Variants in ATG16L2 observed in about 807,000 individuals in gnomAD.
ATG16L2 encodes the protein protein Atg16l2.
A neutral mutation model predicts 84.7 loss-of-function variants in ATG16L2; 77 were observed. That is an observed-to-expected ratio of 0.91 (90% CI 0.76 to 1.10). ATG16L2 has a LOEUF of 1.10. Ranked by LOEUF, ATG16L2 falls within the 50% of genes least tolerant of loss-of-function variation. The pLI, the probability that ATG16L2 is intolerant of heterozygous loss-of-function variation, is 0.00. For synonymous variants in ATG16L2, 361 were observed against 342.8 expected (o/e 1.05, Z -0.59); for missense variants, 782 against 817.6 (o/e 0.96, Z 0.53).
chr11:72,843,561 T>C (rs1167037459), exon 6 of ATG16L2: 9 of 1,539,866 alleles, frequency 5.8e-6, no homozygotes, highest in Non-Finnish European at 7.2e-6. Context: ...ATGGACAAAA[T>C]TAAAAAGGTT....
intron 2 of ATG16L2, 110 bp from the exon 3 acceptor site, chr11:72,817,646 G>C: frequency 9.5e-7 from 1 of 1,053,738 alleles, no homozygotes; most frequent in Non-Finnish European, 1.4e-6. Context: ...CATCTTCCCA[G>C]GACGAAGTTA....
At chr11:72,839,352 G>A (rs1246630854) in intron 5 of ATG16L2, among the ~76,000 whole-genome samples, 2 of 152,204 alleles carry the variant, frequency 1.3e-5, no homozygotes, top group Non-Finnish European at 2.9e-5. Context: ...CAAAAGAGGA[G>A]TTTTTGGTGG....
At chr11:72,835,034 ATCTAGGTGG>A (rs1289851885) in intron 5 of ATG16L2, among the ~76,000 whole-genome samples, 1 of 152,150 alleles carries the variant, frequency 6.6e-6, no homozygotes, top group Non-Finnish European at 1.5e-5. Flanking sequence ...GAGGAAGGGG[ATCTAGGTGG>A]TGTACTGAGA....
At position 72,822,183 on chromosome 11, in the gene ATG16L2, G is replaced by A. The variant is rs1161301436; in HGVS notation, c.532G>A (p.Glu178Lys). The A allele has an allele frequency of 1.3e-6, 2 of 1,499,502 alleles. No homozygotes were observed. The highest frequency in any genetic ancestry group is 1.5e-5 in the African/African-American group (1 of 68,832). The allele number at this position is 1,499,502 out of a possible 1,614,324, so 92.9% of individuals were successfully genotyped here. A position where few individuals can be genotyped will look rare whatever the true frequency, so the allele number is the denominator to read the frequency against. The change falls in exon 5 of 18, where the codon GAG (glutamate) becomes AAG (lysine). Residue 178 changes from glutamate to lysine, a missense_variant. Glu to Lys is a moderately conservative substitution (Grantham distance 56). Coordinates refer to ENST00000321297, the MANE Select transcript of ATG16L2 (RefSeq NM_033388.2). The surrounding 1 kb of genome is among the most constrained non-coding windows in gnomAD (Gnocchi z 4.2). ...EALRAHVGLR[E>K]AALRRLQEEA... ...GCTGCGCGCGCACGTCGGGCTCCGG[G>A]AGGCGGCACTGCGCAGGCTCCAGGA...
At position 72,823,405 on chromosome 11, in the gene ATG16L2, G is replaced by A. The variant is rs182685271; in HGVS notation, c.824+444G>A. ...TGAATATATAAGCATGTGTAGATGT[G>A]TGCTCACACTTGTGGGACCTGATTG... is the stretch of plus-strand genomic sequence containing the variant. On this transcript the variant is annotated intron_variant, in intron 7 of 17. Coordinates refer to ENST00000321297, the MANE Select transcript of ATG16L2 (RefSeq NM_033388.2). 58 of 302,418 alleles carry A rather than the reference G, an allele frequency of 1.9e-4. No homozygotes were observed. In the East Asian group the frequency reaches 3.6e-3, roughly 19 times the overall value. 18.7% of individuals were successfully genotyped at this position (302,418 alleles called of 1,614,324 possible).
chr11:72,834,241 T>G (rs1860669194), downstream of ATG16L2, among the ~76,000 whole-genome samples: 1 of 152,324 alleles, frequency 6.6e-6, no homozygotes. Context: ...AATGCGAAGA[T>G]TCAGAGCAGC....
chr11:72,828,865 C>T lies in ATG16L2; in HGVS notation c.1671-18C>T, dbSNP rs1860516066. On this transcript the variant is annotated intron_variant, in intron 16 of 17. Transcript: ENST00000321297. The stretch of plus-strand genomic sequence containing the variant: ...CCCTCTGACCCCCCGTTTTCTTGCT[C>T]TGCTGTGGCCACTACAGCCCGGACA... 2 of 1,614,124 alleles carry T rather than the reference C, an allele frequency of 1.2e-6. No individual in the cohort carries two copies. Among genetic ancestry groups the T allele is most frequent in the African/African-American group, 1.3e-5 (1 of 75,060 alleles).
rs767468123 is a variant in ATG16L2 at position 72,822,371 on chromosome 11, G to A, written c.644+76G>A. 1.3e-6 allele frequency: 2 copies of A among 1,574,868 alleles called. No individual in the cohort carries two copies. The highest frequency in any genetic ancestry group is 2.3e-5 in the East Asian group (1 of 42,606). On this transcript the variant is annotated intron_variant, in intron 5 of 17. Transcript: ENST00000321297. The surrounding 1 kb of genome is among the most constrained non-coding windows in gnomAD (Gnocchi z 4.2). ...GAGGAGTCGGGCCTCGCCGGTGTCT[G>A]GAAGGGAGGGGGGCAGCAGCCGCCC...
At chr11:72,829,822 G>A (rs1359458440), downstream of ATG16L2, among the ~76,000 whole-genome samples, 3 of 152,182 alleles carry the variant, frequency 2.0e-5, no homozygotes, top group African/African-American at 4.8e-5. Flanking sequence ...AAGGCCCTGA[G>A]GCAGCAAAGA....
chr11:72,815,149 G>C (rs1859634978), intron 1 of ATG16L2, among the ~76,000 whole-genome samples: 1 of 152,236 alleles, frequency 6.6e-6, no homozygotes, highest in Admixed American at 6.5e-5. Flanking sequence ...GCTGAGCCCA[G>C]CGAAGTCGGA....
At position 72,822,939 on chromosome 11, in the gene ATG16L2, G is replaced by A; in HGVS notation, c.802G>A (p.Glu268Lys). 1 of 1,573,130 alleles carries A rather than the reference G, an allele frequency of 6.4e-7. No individual in the cohort carries two copies. The part of the protein sequence containing the change: ...EPEPLEKEAC[E>K]KWKRPFRSAS... ...AGAGCCCCTGGAGAAGGAAGCTTGT[G>A]AGAAGTGGAAGAGGCCCTTCAGGTG... The change falls in exon 7 of 18, where the codon GAG becomes AAG. Residue 268 changes from glutamate (E) to lysine (K), a missense_variant. By Grantham distance (56) the Glu-to-Lys change is moderately conservative. Coordinates refer to ENST00000321297, the MANE Select transcript of ATG16L2 (RefSeq NM_033388.2). This position sits in a 1 kb window ranked among gnomAD's most constrained non-coding sequence, Gnocchi z 4.2.
chr11:72,831,975 C>CG (rs1042691050), downstream of ATG16L2, among the ~76,000 whole-genome samples: 1 of 152,172 alleles, frequency 6.6e-6, no homozygotes, highest in African/African-American at 2.4e-5. Flanking sequence ...CCTGCTACCA[C>CG]GGGGGTAGAG....
At chr11:72,823,887 C>T (rs1860167008) in intron 7 of ATG16L2, 173 bp from the exon 8 acceptor site, 3 of 794,104 alleles carry the variant, frequency 3.8e-6, no homozygotes, top group Non-Finnish European at 6.8e-6. Flanking sequence ...CCCCGACCTT[C>T]CTGGGACTGA....
intron 7 of ATG16L2, chr11:72,823,722 C>T (rs1188068469): frequency 2.1e-6 from 1 of 484,040 alleles, no homozygotes; most frequent in African/African-American, 1.9e-5. Context: ...CCCCTCCTCC[C>T]ATCCCCAGCC....
At chr11:72,834,282 G>A (rs1036763640), downstream of ATG16L2, among the ~76,000 whole-genome samples, 1 of 152,164 alleles carries the variant, frequency 6.6e-6, no homozygotes, top group African/African-American at 2.4e-5. Flanking sequence ...CTGGGAGAGG[G>A]CTGGGCAGTC....
intron 3 of ATG16L2, among the ~76,000 whole-genome samples, chr11:72,819,879 G>A (rs1029543877): frequency 2.0e-5 from 3 of 151,986 alleles, no homozygotes; most frequent in Non-Finnish European, 1.5e-5. Flanking sequence ...CCGAGTAGCT[G>A]GGACTACAGG....
At position 72,822,560 on chromosome 11, in the gene ATG16L2, G is replaced by C; in HGVS notation, c.710+17G>C. The C allele has an allele frequency of 6.2e-7, 1 of 1,611,152 alleles. No individual in the cohort carries two copies. Among genetic ancestry groups the C allele is most frequent in the Middle Eastern group, 1.7e-4 (1 of 6,034 alleles). On this transcript the variant is annotated intron_variant, in intron 6 of 17. Transcript: ENST00000321297. The surrounding 1 kb of genome is among the most constrained non-coding windows in gnomAD (Gnocchi z 4.2). The stretch of plus-strand genomic sequence containing the variant: ...CATCAGCGAGTAAGAGTGGGGATGG[G>C]CCGGTCCGACCCTTGCGTTCTGCCT...
intron 4 of ATG16L2, 40 bp downstream of exon 4, chr11:72,821,781 C>T (rs1860008513): frequency 6.6e-7 from 1 of 1,520,446 alleles, no homozygotes; most frequent in Non-Finnish European, 8.8e-7. Context: ...GCGCCCACCT[C>T]AGGGAGGCCC....
chr11:72,831,463 C>A (rs966787609), downstream of ATG16L2, among the ~76,000 whole-genome samples: 1 of 152,206 alleles, frequency 6.6e-6, no homozygotes, highest in African/African-American at 2.4e-5. Flanking sequence ...TGAGAATGCG[C>A]CATTGCACTC....
Sources: allele counts gnomAD v4.1 joint callset (sites outside exome capture counted in the v4.1 genomes callset), GRCh38; gene constraint gnomAD v4.1.1; non-coding constraint Gnocchi (gnomAD v3.1); transcripts MANE v1.5; gene names NCBI Gene and HGNC (gene_info 2026-07-23, HGNC 2026-07-21).